Variants in CAMK2G observed in about 807,000 individuals in gnomAD.
CAMK2G encodes calcium/calmodulin dependent protein kinase II gamma.
A neutral mutation model predicts 88.7 loss-of-function variants in CAMK2G; 23 were observed. The observed-to-expected ratio is 0.26, with a 90% CI of 0.19 to 0.37. The LOEUF is 0.37. CAMK2G is among the 10% of genes least tolerant of loss of function. The pLI is 1.00. For missense variants in CAMK2G, 476 were observed against 780.8 expected, an observed-to-expected ratio of 0.61 and a Z score of 4.65; for synonymous variants, 263 against 294.8, an observed-to-expected ratio of 0.89 and a Z score of 1.11.
rs2093625960 is a variant in CAMK2G at position 73,839,849 on chromosome 10, A to G, written c.947-248T>C. On this transcript the variant is annotated intron_variant, in intron 12 of 22. Transcript: ENST00000423381. The surrounding 1 kb of genome is among the most constrained non-coding windows in gnomAD (Gnocchi z 4.2). ...GTCCCCACCAGATGGAGAGGGCTGC[A>G]GTGCCTGTCTCATGACCCCCTCCGG... 6.6e-6 allele frequency among the ~76,000 whole-genome samples: 1 copy of G among 152,182 alleles called. No individual in the cohort carries two copies.
intron 14 of CAMK2G, among the ~76,000 whole-genome samples, chr10:73,828,989 AC>A (rs2091827506): frequency 6.6e-6 from 1 of 152,218 alleles, no homozygotes; most frequent in Non-Finnish European, 1.5e-5. Context: ...TCATTAGCTC[AC>A]TGGGGGTAAG....
intron 21 of CAMK2G, chr10:73,816,702 G>A (rs767793187): frequency 1.5e-5 from 18 of 1,172,040 alleles, no homozygotes; most frequent in African/African-American, 6.3e-5. Flanking sequence ...CTCGTGATCC[G>A]CCAGCCTCAG....
chr10:73,835,384 C>T (rs1457808235), intron 14 of CAMK2G, among the ~76,000 whole-genome samples: 1 of 151,630 alleles, frequency 6.6e-6, no homozygotes, highest in Non-Finnish European at 1.5e-5. Flanking sequence ...CAGGCTCAAA[C>T]TCCCTGGGCT....
intron 10 of CAMK2G, among the ~76,000 whole-genome samples, chr10:73,844,422 T>G (rs2094069959): frequency 6.6e-6 from 1 of 151,292 alleles, no homozygotes; most frequent in Non-Finnish European, 1.5e-5. Flanking sequence ...TTTTTTCTTC[T>G]TTAGAGGCAG....
At chr10:73,829,030 C>CAACTTTTGTTG (rs1333641457) in intron 14 of CAMK2G, among the ~76,000 whole-genome samples, 2 of 152,186 alleles carry the variant, frequency 1.3e-5, no homozygotes, top group East Asian at 3.8e-4. Flanking sequence ...GTCTGTCGTT[C>CAACTTTTGTTG]AACTTTTGCA....
At chr10:73,823,143 T>C (rs1014207978) in intron 17 of CAMK2G, among the ~76,000 whole-genome samples, 3 of 152,250 alleles carry the variant, frequency 2.0e-5, no homozygotes, top group Non-Finnish European at 4.4e-5. Flanking sequence ...ATTACAGGCA[T>C]GAGCCACCGC....
Position 73,874,436 on chromosome 10 carries a change from C to G in CAMK2G, c.26G>C (p.Arg9Pro). MATTATCT[R>P]FTDDYQLFEE... ...GAAGAGCTGGTAGTCGTCGGTGAAA[C>G]GGGTGCAGGTGGCGGTGGTGGCCAT... The change falls in exon 1 of 23, where the codon CGT becomes CCT. Residue 9 changes from arginine to proline, a missense_variant. Arg to Pro is a moderately radical substitution (Grantham distance 103). Coordinates refer to ENST00000423381, the MANE Select transcript of CAMK2G (RefSeq NM_001367534.1). 1.3e-6 allele frequency: 2 copies of G among 1,520,274 alleles called. No individual in the cohort carries two copies. Among genetic ancestry groups the G allele is most frequent in the Non-Finnish European group, 1.8e-6 (2 of 1,125,094 alleles). The allele number at this position is 1,520,274 out of a possible 1,614,324, so 94.2% of individuals were successfully genotyped here.
chr10:73,827,386 C>T (rs1021477328), intron 15 of CAMK2G, among the ~76,000 whole-genome samples: 2 of 152,210 alleles, frequency 1.3e-5, no homozygotes, highest in Non-Finnish European at 2.9e-5. Context: ...CAGGGTTTCA[C>T]CGTGTTATGG....
chr10:73,830,216 C>G (rs982259059), intron 14 of CAMK2G, among the ~76,000 whole-genome samples: 1 of 152,184 alleles, frequency 6.6e-6, no homozygotes, highest in African/African-American at 2.4e-5. Context: ...TGCCCTTAGC[C>G]ATGCATAGCT....
chr10:73,873,481 T>C (rs35257352), intron 1 of CAMK2G: 47,855 of 1,035,482 alleles, frequency 0.046, 1,254 homozygotes, highest in Non-Finnish European at 0.051. Flanking sequence ...GCAGGAACAG[T>C]TGAAGGTCGG....
chr10:73,872,678 T>G (rs947235742), intron 2 of CAMK2G, among the ~76,000 whole-genome samples: 2 of 152,000 alleles, frequency 1.3e-5, no homozygotes, highest in African/African-American at 4.8e-5. Context: ...TGCCCCAAAT[T>G]AAGAGCTCCC....
At chr10:73,816,871 G>A (rs1403068291) in intron 21 of CAMK2G, 152 bp downstream of exon 21, 6 of 1,602,754 alleles carry the variant, frequency 3.7e-6, no homozygotes, top group South Asian at 1.1e-5. Flanking sequence ...TACAACCATC[G>A]GGGCACAAGG....
intron 3 of CAMK2G, among the ~76,000 whole-genome samples, chr10:73,858,149 T>G (rs1035026496): frequency 6.6e-6 from 1 of 152,200 alleles, no homozygotes; most frequent in Non-Finnish European, 1.5e-5. Context: ...ATCTAGCTAT[T>G]AAGGGGAAAC....
rs1237847275 is a variant in CAMK2G at position 73,819,575 on chromosome 10, G to A, written c.1320C>T (p.Pro440=). The A allele has an allele frequency of 1.5e-5, 24 of 1,549,386 alleles. No homozygotes were observed. Among genetic ancestry groups the A allele is most frequent in the Non-Finnish European group, 2.1e-5 (24 of 1,146,890 alleles). The change falls in exon 19 of 23, where the codon CCC becomes CCT. Residue 440 remains proline (P), a synonymous_variant. Coordinates refer to ENST00000423381, the MANE Select transcript of CAMK2G (RefSeq NM_001367534.1). ...EGRSSRDRTA[P]SAGMQPQPSL... is the part of the protein sequence containing the mutation. ...AAGGCTGGGGCTGCATGCCTGCAGA[G>A]GGGGCTGTTCTGTCCCGGGAGCTCC...
rs540680198 is a variant in CAMK2G, at chr10:73,814,229, G to A, written c.*289C>T. ...CCTTCTTGCCAACCCAAGGGCTGTC[G>A]GTGGTTTTAAAACGCATCATGGTAT... On this transcript the variant is annotated 3_prime_UTR_variant, in exon 23 of 23. Transcript: ENST00000423381. The A allele has an allele frequency of 4.6e-5, 7 of 151,848 alleles. No individual in the cohort carries two copies. The highest frequency in any genetic ancestry group is 1.2e-4 in the African/African-American group (5 of 41,400). 9.4% of individuals were successfully genotyped at this position (151,848 alleles called of 1,614,324 possible).
At chr10:73,846,430 CAGT>C (rs1444015012) in intron 10 of CAMK2G, 2 of 152,228 alleles carry the variant, frequency 1.3e-5, no homozygotes, top group African/African-American at 4.8e-5. Context: ...CCACCAGGAA[CAGT>C]AGGAGCTCCT....
intron 18 of CAMK2G, among the ~76,000 whole-genome samples, chr10:73,820,492 A>ATATATATATAT (rs1554995765): frequency 2.7e-4 from 14 of 51,060 alleles, no homozygotes; most frequent in African/African-American, 1.1e-3. Context: ...ATATATATAT[A>ATATATATATAT]TTTTTTTTTT....
Position 73,819,537 on chromosome 10 carries a change from G to A in CAMK2G, c.1358C>T (p.Ser453Leu). 6.5e-7 allele frequency: 1 copy of A among 1,547,420 alleles called. No individual in the cohort carries two copies. Among genetic ancestry groups the A allele is most frequent in the South Asian group, 1.2e-5 (1 of 83,964 alleles). The change falls in exon 19 of 23, where the codon TCA becomes TTA. Residue 453 changes from serine to leucine, a missense_variant. This residue lies in a region of CAMK2G where 278 missense variants were observed against 366.5 expected (regional missense o/e 0.76). Transcript: ENST00000423381. The part of the protein sequence containing the change: ...GMQPQPSLCS[S>L]AMRKQEIIKI... Reference sequence around the variant, plus strand: ...TGTGCCTCCCTCACACTTACTGGCTGAGGAGCAGAGAGAAGGCTGGGGCTG... The same window carrying A: ...TGTGCCTCCCTCACACTTACTGGCTAAGGAGCAGAGAGAAGGCTGGGGCTG...
chr10:73,838,064 C>T (rs2093424288), intron 13 of CAMK2G, among the ~76,000 whole-genome samples: 1 of 152,232 alleles, frequency 6.6e-6, no homozygotes, highest in African/African-American at 2.4e-5. Flanking sequence ...AGGTCCTCAC[C>T]AGGTTCACTG....
Sources: allele counts gnomAD v4.1 joint callset (sites outside exome capture counted in the v4.1 genomes callset), GRCh38; gene constraint gnomAD v4.1.1; regional missense constraint gnomAD v4.1.1; non-coding constraint Gnocchi (gnomAD v3.1); transcripts MANE v1.5; gene names NCBI Gene and HGNC (gene_info 2026-07-23, HGNC 2026-07-21).